The following RUFY3 variants were observed in gnomAD, a reference collection of about 807,000 sequenced individuals.
RUFY3 encodes protein RUFY3.
Under a neutral mutation model 84.0 loss-of-function variants are expected in RUFY3, and 34 were observed. That is an observed-to-expected ratio of 0.40 (90% CI 0.31 to 0.54). The LOEUF (loss-of-function observed/expected upper bound fraction) is 0.54, where lower values mean the gene tolerates loss of function less well. Ranked by LOEUF, RUFY3 falls within the 20% of genes least tolerant of loss-of-function variation. RUFY3 has a pLI of 0.39. For synonymous variants in RUFY3, 242 were observed against 252.9 expected (o/e 0.96, Z 0.41); for missense variants, 507 against 736.8 (o/e 0.69, Z 3.61).
intron 1 of RUFY3, among the ~76,000 whole-genome samples, chr4:70,737,873 C>G (rs1000606165): frequency 2.0e-5 from 3 of 151,760 alleles, no homozygotes; most frequent in African/African-American, 7.3e-5. Context: ...AGGGTTACAC[C>G]ATGTTGCCAG....
intron 1 of RUFY3, among the ~76,000 whole-genome samples, chr4:70,728,040 T>G (rs1718588470): frequency 1.3e-5 from 2 of 152,208 alleles, no homozygotes. Context: ...CTGACTCATT[T>G]GTTGTCTCAA....
At chr4:70,706,669 T>C (rs141343009) in intron 1 of RUFY3, among the ~76,000 whole-genome samples, 1 of 152,342 alleles carries the variant, frequency 6.6e-6, no homozygotes, top group Non-Finnish European at 1.5e-5. Flanking sequence ...TGTTCACACC[T>C]CCTTATTACT....
intron 1 of RUFY3, among the ~76,000 whole-genome samples, chr4:70,723,852 A>G (rs970331196): frequency 6.6e-6 from 1 of 152,212 alleles, no homozygotes; most frequent in Non-Finnish European, 1.5e-5. Flanking sequence ...TTGAAATCTT[A>G]TCATGACTCA....
rs373054176 is a variant in RUFY3, at chr4:70,756,309, T to C, written c.179-6210T>C. On this transcript the variant is annotated intron_variant, in intron 1 of 17. Coordinates refer to ENST00000381006, the MANE Select transcript of RUFY3 (RefSeq NM_001037442.4). ...CCCTTACTTGCCCCTCAGCTTTGAG[T>C]TCATGCACCCTTCCAATCATCTTCC... 4.6e-4 allele frequency among the ~76,000 whole-genome samples: 70 copies of C among 152,278 alleles called. 1 individual carries two copies. In the South Asian group the frequency reaches 0.014, roughly 31 times the overall value.
exon 1 of RUFY3, chr4:70,704,930 A>AG (rs778024604): frequency 2.5e-6 from 3 of 1,215,538 alleles, no homozygotes; most frequent in Non-Finnish European, 2.0e-6. Flanking sequence ...CGAAGGAAGG[A>AG]GTGAGCATGG....
Position 70,763,669 on chromosome 4 carries a change from A to C in RUFY3, c.470A>C (p.Lys157Thr). ...TASVKDLPGL[K>T]TPVGRGRAWL... ...AGTGTTAAAGATCTTCCAGGACTTA[A>C]GTAAGTCTAAGGTTGAATTCCATTT... Residue 157 changes from lysine to threonine, a missense_variant and splice_region_variant, in exon 3 of 18, where the codon AAG becomes ACG. Physicochemically the swap from Lys to Thr is moderately conservative, Grantham distance 78 (BLOSUM62 -1). Transcript: ENST00000381006. The C allele has an allele frequency of 6.2e-7, 1 of 1,610,440 alleles. No homozygotes were observed.
rs781697824 is a variant in RUFY3 at position 70,735,117 on chromosome 4, T to A, written c.178+12366T>A. Among the ~76,000 whole-genome samples the A allele has an allele frequency of 7.2e-4, 110 of 152,212 alleles. 2 individuals are homozygous for A. The highest frequency in any genetic ancestry group is 8.8e-5 in the Non-Finnish European group (6 of 68,040). On this transcript the variant is annotated intron_variant, in intron 1 of 17. Coordinates refer to ENST00000381006, the MANE Select transcript of RUFY3 (RefSeq NM_001037442.4). ...ATTCACGTTGTCAGATTCCCAAGCC[T>A]GAGTACCAACCAAGATCTGGTTGGA...
At chr4:70,796,422 C>T (rs57634403) in intron 14 of RUFY3, among the ~76,000 whole-genome samples, 6,299 of 152,262 alleles carry the variant, frequency 0.041, 295 homozygotes, top group East Asian at 0.2. Flanking sequence ...GAAGTTGTTA[C>T]ATCTCCTGTT....
chr4:70,741,720 C>G, intron 1 of RUFY3: 1 of 1,416,578 alleles, frequency 7.1e-7, no homozygotes, highest in Non-Finnish European at 9.2e-7. Flanking sequence ...TTTCTCCTTG[C>G]TTTTTAAAAT....
At chr4:70,724,775 G>A (rs140734184) in intron 1 of RUFY3, among the ~76,000 whole-genome samples, 70 of 152,300 alleles carry the variant, frequency 4.6e-4, no homozygotes, top group African/African-American at 1.6e-3. Flanking sequence ...AAGCCTGTGA[G>A]TATTACTGCC....
At chr4:70,793,226 G>A (rs114517081) in intron 12 of RUFY3, 1,055 of 986,180 alleles carry the variant, frequency 1.1e-3, no homozygotes, top group Non-Finnish European at 1.2e-3. Context: ...TCTGACAAAG[G>A]CTTTTCCTTA....
rs2148806282 is a variant in RUFY3, at chr4:70,793,379, TA to T, written c.1338-402del. The T allele has an allele frequency of 2.9e-6, 3 of 1,047,812 alleles. No homozygotes were observed. In the African/African-American group the frequency reaches 5.2e-5, roughly 18 times the overall value. The allele number at this position is 1,047,812 out of a possible 1,614,324, so 64.9% of individuals were successfully genotyped here. ...CATTTACAAGTTCCAGTTATGTGTG[TA>T]AAACAGAAAAATTAAGTACCAAACC... On this transcript the variant is annotated intron_variant, in intron 12 of 17. Coordinates refer to ENST00000381006, the MANE Select transcript of RUFY3 (RefSeq NM_001037442.4).
chr4:70,761,963 T>C (rs891084273), intron 1 of RUFY3, among the ~76,000 whole-genome samples: 1 of 151,936 alleles, frequency 6.6e-6, no homozygotes, highest in Non-Finnish European at 1.5e-5. Flanking sequence ...GGTAGTACAG[T>C]AGGGAGTTAT....
In RUFY3 at chr4:70,705,903, CG is replaced by C. The variant is rs561396358; in HGVS notation, c.358+611del. Among the ~76,000 whole-genome samples, 32 of 152,304 alleles carry C rather than the reference CG, an allele frequency of 2.1e-4. 1 individual carries two copies. In the East Asian group the frequency reaches 6.2e-3, roughly 29 times the overall value. Reference sequence around the variant, plus strand: ...CGTCCCCCGGATTGGAAAGAGAAATCGGAGCGGTGCATGAGAAGACAAGAAG... The same window carrying C: ...CGTCCCCCGGATTGGAAAGAGAAATCGAGCGGTGCATGAGAAGACAAGAAG... On this transcript the variant is annotated intron_variant, in intron 1 of 11. Coordinates refer to the RUFY3 transcript ENST00000417478.
rs1226852230 is a variant in RUFY3, at chr4:70,793,826, A to G, written c.1379A>G (p.Asp460Gly). The stretch of plus-strand genomic sequence containing the variant: ...CGAAGCCGCCAATCTGCTGAGTTGG[A>G]CAACCGGCTCTTCAAACAGGACTTT... ...AERSRQSAELDNRLFKQDFGD... is the reference protein window; with the variant it reads ...AERSRQSAELGNRLFKQDFGD... The change falls in exon 13 of 18, where the codon GAC becomes GGC. Residue 460 changes from aspartate (D) to glycine (G), a missense_variant. Coordinates refer to ENST00000381006, the MANE Select transcript of RUFY3 (RefSeq NM_001037442.4). The G allele has an allele frequency of 6.2e-7, 1 of 1,614,030 alleles. No individual in the cohort carries two copies. The highest frequency in any genetic ancestry group is 8.5e-7 in the Non-Finnish European group (1 of 1,180,040).
intron 1 of RUFY3, among the ~76,000 whole-genome samples, chr4:70,724,613 CAG>C (rs1336228211): frequency 6.6e-6 from 1 of 152,102 alleles, no homozygotes; most frequent in Admixed American, 6.6e-5. Context: ...CAGATAAATA[CAG>C]AGTTTCCAAG....
chr4:70,709,006 C>T (rs903831747), intron 1 of RUFY3, among the ~76,000 whole-genome samples: 1 of 152,102 alleles, frequency 6.6e-6, no homozygotes, highest in African/African-American at 2.4e-5. Flanking sequence ...TGCAGTGAGT[C>T]GTGATCACAC....
intron 1 of RUFY3, among the ~76,000 whole-genome samples, chr4:70,714,000 C>T (rs181661857): frequency 3.9e-5 from 6 of 152,328 alleles, no homozygotes; most frequent in African/African-American, 1.4e-4. Context: ...GTGACATTTA[C>T]TTACTGCTTA....
chr4:70,750,863 T>C (rs1472917778), intron 1 of RUFY3, among the ~76,000 whole-genome samples: 3 of 152,202 alleles, frequency 2.0e-5, no homozygotes, highest in African/African-American at 7.2e-5. Context: ...GTGTCAGGCT[T>C]CTTTCACTTA....
Sources: allele counts gnomAD v4.1 joint callset (sites outside exome capture counted in the v4.1 genomes callset), GRCh38; gene constraint gnomAD v4.1.1; transcripts MANE v1.5; gene names NCBI Gene and HGNC (gene_info 2026-07-23, HGNC 2026-07-21).